The following IMPA2 variants were observed in gnomAD, a reference collection of about 807,000 sequenced individuals.
IMPA2 encodes the protein IMP 2.
In IMPA2, 32 loss-of-function variants were observed where a neutral mutation model predicts 35.1. The ratio of observed to expected loss-of-function variants is 0.91; its 90% CI spans 0.69 to 1.23. The LOEUF is 1.23. IMPA2 is among the 50% of genes most tolerant of loss of function. The pLI, the probability that IMPA2 is intolerant of heterozygous loss-of-function variation, is 0.00. For missense variants in IMPA2, 334 were observed against 387.6 expected (o/e 0.86, Z 1.16); for synonymous variants, 135 against 160.6 (o/e 0.84, Z 1.20).
At position 12,007,604 on chromosome 18, in the gene IMPA2, CTCTT is replaced by C. The variant is rs879392055; in HGVS notation, c.231-2265_231-2262del. Among the ~76,000 whole-genome samples the C allele has an allele frequency of 1.4e-3, 191 of 134,690 alleles. 1 individual carries two copies. Among genetic ancestry groups the C allele is most frequent in the African/African-American group, 3.7e-3 (129 of 35,320 alleles). The allele number at this position is 134,690 out of a possible 152,430, so 88.4% of individuals were successfully genotyped here. A position where few individuals can be genotyped will look rare whatever the true frequency, so the allele number is the denominator to read the frequency against. On this transcript the variant is annotated intron_variant, in intron 2 of 7. Transcript: ENST00000269159. Reference sequence around the variant, plus strand: ...TTTCTTTTCTTTTCTTTCTTTCTTTCTCTTTCTTTCTTTCTTTTTCTTTCTTCTT... The same window carrying C: ...TTTCTTTTCTTTTCTTTCTTTCTTTCTCTTTCTTTCTTTTTCTTTCTTCTT...
Position 12,028,918 on chromosome 18 carries a change from G to T in IMPA2, c.676G>T (p.Gly226Cys). 6.2e-7 allele frequency: 1 copy of T among 1,614,104 alleles called. No homozygotes were observed. Among genetic ancestry groups the T allele is most frequent in the East Asian group, 2.2e-5 (1 of 44,878 alleles). Residue 226 changes from glycine to cysteine, a missense_variant, in exon 7 of 8, where the codon GGC becomes TGC. Physicochemically the swap from Gly to Cys is radical, Grantham distance 159. Coordinates refer to ENST00000269159, the MANE Select transcript of IMPA2 (RefSeq NM_014214.3). Reference sequence around the variant, plus strand: ...GGCCGCGGATGCCTATTACCAGTTTGGCCTGCACTGCTGGGATCTGGCGGC... The same window carrying T: ...GGCCGCGGATGCCTATTACCAGTTTTGCCTGCACTGCTGGGATCTGGCGGC... The part of the protein sequence containing the change: ...SGAADAYYQF[G>C]LHCWDLAAAT...
At chr18:11,998,277 C>T (rs1426580129) in intron 1 of IMPA2, among the ~76,000 whole-genome samples, 1 of 152,230 alleles carries the variant, frequency 6.6e-6, no homozygotes, top group African/African-American at 2.4e-5. Flanking sequence ...CTCTTTATCC[C>T]TTCCTGTTTG....
intron 7 of IMPA2, among the ~76,000 whole-genome samples, chr18:12,029,458 G>A (rs769674904): frequency 2.0e-5 from 3 of 148,468 alleles, no homozygotes; most frequent in Non-Finnish European, 4.4e-5. Context: ...AGTTTCACTC[G>A]TCACCCAGGC....
In IMPA2 at chr18:12,001,160, C is replaced by T. The variant is rs537533022; in HGVS notation, c.230+1973C>T. On this transcript the variant is annotated intron_variant, in intron 2 of 7. Coordinates refer to ENST00000269159, the MANE Select transcript of IMPA2 (RefSeq NM_014214.3). The stretch of plus-strand genomic sequence containing the variant: ...AGGAGAATTGCTTGAACCTGGGAGG[C>T]GGAGGTTGCAGTGAGCCGAGGTCAC... Among the ~76,000 whole-genome samples, 12 of 151,838 alleles carry T rather than the reference C, an allele frequency of 7.9e-5. No individual in the cohort carries two copies. The East Asian group carries it at 2.0e-3, about 25-fold the overall frequency.
intron 2 of IMPA2, among the ~76,000 whole-genome samples, chr18:12,004,665 CA>C (rs1286031246): frequency 6.6e-6 from 1 of 152,016 alleles, no homozygotes; most frequent in South Asian, 2.1e-4. Flanking sequence ...TCTGGGATTA[CA>C]GGCATGCACC....
At position 12,028,117 on chromosome 18, in the gene IMPA2, A is replaced by G. The variant is rs1335267007; in HGVS notation, c.565A>G (p.Asn189Asp). 1 of 1,614,058 alleles carries G rather than the reference A, an allele frequency of 6.2e-7. No individual in the cohort carries two copies. The highest frequency in any genetic ancestry group is 2.2e-5 in the East Asian group (1 of 44,876). Residue 189 changes from asparagine (N) to aspartate (D), a missense_variant, in exon 6 of 8, where the codon AAC (asparagine) becomes GAC (aspartate). Asn to Asp is a conservative substitution (Grantham distance 23). Transcript: ENST00000269159. ...DPATLKLFLS[N>D]MERLLHAKAH... is the part of the protein sequence containing the mutation. ...TGCGACCCTGAAGCTGTTCCTGAGT[A>G]ACATGGAGCGGCTGCTGCATGCCAA...
chr18:12,013,130 A>AGCTG (rs1267407451), intron 4 of IMPA2, among the ~76,000 whole-genome samples: 1 of 152,214 alleles, frequency 6.6e-6, no homozygotes, highest in African/African-American at 2.4e-5. Context: ...CTGCTGGAAC[A>AGCTG]GCTGGCTAGG....
At chr18:11,995,393 C>T (rs1279087380) in intron 1 of IMPA2, among the ~76,000 whole-genome samples, 1 of 152,240 alleles carries the variant, frequency 6.6e-6, no homozygotes, top group Non-Finnish European at 1.5e-5. Flanking sequence ...GAACTTGGTG[C>T]TGAGGCCACA....
At chr18:12,025,682 C>T (rs542182890) in intron 5 of IMPA2, among the ~76,000 whole-genome samples, 2 of 152,300 alleles carry the variant, frequency 1.3e-5, no homozygotes, top group South Asian at 2.1e-4. Flanking sequence ...CAGGTTCAAG[C>T]GATTCTCCTG....
Position 12,028,889 on chromosome 18 carries a change from CAG to C in IMPA2, c.648_649del (p.Ala218ArgfsTer63), listed in dbSNP as rs1236905781. ...ACATTGGCACTCTGCCACCTGGCCT[CAG>C]GGGCCGCGGATGCCTATTACCAGTT... is the stretch of plus-strand genomic sequence containing the variant. On this transcript the variant is annotated frameshift_variant, in exon 7 of 8. Transcript: ENST00000269159. LOFTEE classifies it high-confidence loss of function. 1.2e-6 allele frequency: 2 copies of C among 1,614,202 alleles called. No homozygotes were observed. The highest frequency in any genetic ancestry group is 2.2e-5 in the East Asian group (1 of 44,880).
intron 5 of IMPA2, among the ~76,000 whole-genome samples, chr18:12,024,823 A>C (rs1907835462): frequency 6.6e-6 from 1 of 151,844 alleles, no homozygotes; most frequent in African/African-American, 2.4e-5. Context: ...GCAGAGAGAC[A>C]GAGTTCCTAT....
At chr18:12,009,290 A>AC (rs373229130) in intron 2 of IMPA2, among the ~76,000 whole-genome samples, 4 of 146,438 alleles carry the variant, frequency 2.7e-5, no homozygotes, top group African/African-American at 1.1e-4. Context: ...AAACAACAAC[A>AC]AAAAAACCAG....
intron 2 of IMPA2, among the ~76,000 whole-genome samples, chr18:12,006,095 T>C (rs576976045): frequency 1.3e-5 from 2 of 152,336 alleles, no homozygotes; most frequent in Admixed American, 1.3e-4. Context: ...GAAAGTCACA[T>C]AGCTACAGAA....
At chr18:11,989,026 C>T (rs76459109) in intron 1 of IMPA2, among the ~76,000 whole-genome samples, 2,361 of 152,140 alleles carry the variant, frequency 0.016, 31 homozygotes, top group African/African-American at 0.028. Flanking sequence ...CGGGGTTTCA[C>T]TAAGTGGAGA....
chr18:12,016,309 C>T (rs941584080), intron 5 of IMPA2, among the ~76,000 whole-genome samples: 3 of 152,108 alleles, frequency 2.0e-5, no homozygotes, highest in African/African-American at 7.2e-5. Flanking sequence ...GTGTTTTCTA[C>T]CATGGTTGTT....
intron 3 of IMPA2, among the ~76,000 whole-genome samples, chr18:12,011,550 C>T (rs1340879756): frequency 3.3e-5 from 5 of 152,246 alleles, no homozygotes; most frequent in East Asian, 3.8e-4. Flanking sequence ...TTGCAGTACC[C>T]AGCCTTTCCT....
chr18:12,018,523 A>C (rs1907643521), intron 5 of IMPA2, among the ~76,000 whole-genome samples: 1 of 152,244 alleles, frequency 6.6e-6, no homozygotes, highest in Non-Finnish European at 1.5e-5. Flanking sequence ...TCTCTAGTAT[A>C]GCATTTTTAA....
chr18:12,028,808 C>G lies in IMPA2; in HGVS notation c.600-34C>G, dbSNP rs1311786452. 3.1e-6 allele frequency: 5 copies of G among 1,605,870 alleles called. No individual in the cohort carries two copies. The African/African-American group carries it at 5.4e-5, about 17-fold the overall frequency. On this transcript the variant is annotated intron_variant, in intron 6 of 7. Coordinates refer to ENST00000269159, the MANE Select transcript of IMPA2 (RefSeq NM_014214.3). ...GCACACCACAGAAAAGGCTCCACTC[C>G]CGCCTGCATCTGTCCTCCCTTCCCT...
At chr18:12,015,150 G>C (rs72873599) in intron 5 of IMPA2, among the ~76,000 whole-genome samples, 16,295 of 152,140 alleles carry the variant, frequency 0.11, 1,146 homozygotes, top group African/African-American at 0.18. Context: ...CATAATACCT[G>C]CATGTCTGGG....
Sources: allele counts gnomAD v4.1 joint callset (sites outside exome capture counted in the v4.1 genomes callset), GRCh38; gene constraint gnomAD v4.1.1; transcripts MANE v1.5; gene names NCBI Gene and HGNC (gene_info 2026-07-23, HGNC 2026-07-21).